Variants in VAC14 observed in about 807,000 individuals in gnomAD.
VAC14 encodes VAC14 component of PIKFYVE complex.
Under a neutral mutation model 85.3 loss-of-function variants are expected in VAC14, and 47 were observed. The ratio of observed to expected loss-of-function variants is 0.55; its 90% CI spans 0.44 to 0.70. The LOEUF (loss-of-function observed/expected upper bound fraction) is 0.70. Among genes scored for constraint, VAC14 ranks in the 30% least tolerant of loss-of-function variants. The pLI, the probability that VAC14 is intolerant of heterozygous loss-of-function variation, is 0.00. For synonymous variants in VAC14, 447 were observed against 430.5 expected (o/e 1.04, Z -0.47); for missense variants, 861 against 1,004.3 (o/e 0.86, Z 1.93).
chr16:70,712,589 G>A (rs2142996184), intron 14 of VAC14, among the ~76,000 whole-genome samples: 1 of 152,168 alleles, frequency 6.6e-6, no homozygotes, highest in East Asian at 1.9e-4. Flanking sequence ...GCAAGCTGCA[G>A]AGCTCTCCGA....
At chr16:70,729,032 G>T (rs115758338) in intron 14 of VAC14, among the ~76,000 whole-genome samples, 1 of 152,328 alleles carries the variant, frequency 6.6e-6, no homozygotes, top group African/African-American at 2.4e-5. Flanking sequence ...TGAAGGTTAA[G>T]AATCCATTTC....
chr16:70,705,899 G>A (rs2053911955), intron 14 of VAC14, among the ~76,000 whole-genome samples: 1 of 152,256 alleles, frequency 6.6e-6, no homozygotes, highest in African/African-American at 2.4e-5. Context: ...AGAGGCAAGA[G>A]TGTGGGTGAT....
intron 10 of VAC14, chr16:70,771,547 T>A (rs2033223488): frequency 6.6e-6 from 1 of 152,156 alleles, no homozygotes; most frequent in South Asian, 2.1e-4. Flanking sequence ...AATTTTTTTT[T>A]AATATTTAAA....
At chr16:70,703,645 GGGCTGCT>G (rs1436613252) in intron 14 of VAC14, among the ~76,000 whole-genome samples, 1 of 152,316 alleles carries the variant, frequency 6.6e-6, no homozygotes, top group Admixed American at 6.5e-5. Context: ...TCCCCGTCTT[GGGCTGCT>G]GGCTGCCGCC....
chr16:70,698,291 G>C (rs1171189073), intron 15 of VAC14, among the ~76,000 whole-genome samples: 1 of 152,200 alleles, frequency 6.6e-6, no homozygotes, highest in Non-Finnish European at 1.5e-5. Flanking sequence ...CCACCATGCA[G>C]GGTGGGCCCA....
chr16:70,795,295 T>C (rs985476617), intron 1 of VAC14, among the ~76,000 whole-genome samples: 3 of 151,342 alleles, frequency 2.0e-5, no homozygotes, highest in Admixed American at 6.6e-5. Context: ...TGAAACCCGA[T>C]CTCTACTAAA....
At chr16:70,792,248 G>A (rs567566737) in intron 1 of VAC14, among the ~76,000 whole-genome samples, 17 of 152,356 alleles carry the variant, frequency 1.1e-4, no homozygotes, top group Admixed American at 9.1e-4. Flanking sequence ...GGCAGCCCCA[G>A]TTCCAGGTTT....
chr16:70,780,690 T>C (rs1046438682), intron 9 of VAC14, 100 bp downstream of exon 9: 1 of 1,406,530 alleles, frequency 7.1e-7, no homozygotes, highest in Non-Finnish European at 9.5e-7. Flanking sequence ...ATACATAAAG[T>C]AGTCCTGGTT....
chr16:70,772,043 C>T, intron 10 of VAC14, 66 bp downstream of exon 10: 21 of 1,493,566 alleles, frequency 1.4e-5, no homozygotes, highest in Non-Finnish European at 1.9e-5. Flanking sequence ...CTGTAGTCTC[C>T]CGCATCCAGG....
intron 8 of VAC14, among the ~76,000 whole-genome samples, chr16:70,781,518 T>C (rs530964270): frequency 7.9e-5 from 12 of 152,252 alleles, no homozygotes; most frequent in African/African-American, 2.6e-4. Flanking sequence ...CTGGTGCCCC[T>C]GTGAAATGCG....
chr16:70,781,724 G>T, intron 8 of VAC14, 145 bp downstream of exon 8: 1 of 1,170,632 alleles, frequency 8.5e-7, no homozygotes, highest in East Asian at 2.6e-5. Context: ...ATCCACGTTT[G>T]GCTCCATCTC....
In VAC14 at chr16:70,780,809, C is replaced by A; in HGVS notation, c.1077G>T (p.Lys359Asn). The change falls in exon 9 of 19, where the codon AAG becomes AAT. Residue 359 changes from lysine to asparagine, a missense_variant. This residue lies in a region of VAC14 where 629 missense variants were observed against 703.1 expected (regional missense o/e 0.89). Coordinates refer to ENST00000261776, the MANE Select transcript of VAC14 (RefSeq NM_018052.5). ...AEPTPDDALP[K>N]QEGTASGGPD... is the part of the protein sequence containing the mutation. ...ACTCACCACTGGCTGTGCCCTCCTG[C>A]TTTGGCAGGGCATCGTCAGGGGTGG... The A allele has an allele frequency of 6.2e-7, 1 of 1,607,142 alleles. No individual in the cohort carries two copies. The highest frequency in any genetic ancestry group is 8.5e-7 in the Non-Finnish European group (1 of 1,175,620).
At chr16:70,790,778 T>G (rs549324085) in intron 1 of VAC14, among the ~76,000 whole-genome samples, 38 of 152,188 alleles carry the variant, frequency 2.5e-4, no homozygotes, top group Middle Eastern at 6.8e-3. Context: ...CCCAGGCCAC[T>G]ACAAAAATGA....
chr16:70,737,563 C>T (rs3785421), intron 13 of VAC14, among the ~76,000 whole-genome samples: 11,158 of 152,228 alleles, frequency 0.073, 438 homozygotes, highest in Middle Eastern at 0.15. Flanking sequence ...AGTGAGGAGC[C>T]TGCCAGCCCC....
chr16:70,690,968 C>T, intron 18 of VAC14: 1 of 985,202 alleles, frequency 1.0e-6, no homozygotes, highest in Non-Finnish European at 1.2e-6. Context: ...AGAGAGGGCA[C>T]TGGGCTTGCT....
chr16:70,712,229 C>T (rs2054050043), intron 14 of VAC14, among the ~76,000 whole-genome samples: 1 of 152,160 alleles, frequency 6.6e-6, no homozygotes, highest in Admixed American at 6.5e-5. Context: ...AAGAGGGCCC[C>T]AGACATGAGG....
intron 1 of VAC14, among the ~76,000 whole-genome samples, chr16:70,793,906 A>G (rs1403299413): frequency 6.6e-6 from 1 of 152,232 alleles, no homozygotes; most frequent in Non-Finnish European, 1.5e-5. Context: ...GCACCCACCA[A>G]CCAACCTAGG....
At chr16:70,700,288 A>G (rs2053798716) in intron 14 of VAC14, 1 of 151,930 alleles carries the variant, frequency 6.6e-6, no homozygotes. Context: ...GCAAGAAACC[A>G]CGAGAAACAG....
At chr16:70,785,663 C>G (rs1336613668) in intron 3 of VAC14, 39 bp downstream of exon 3, 1 of 1,521,682 alleles carries the variant, frequency 6.6e-7, no homozygotes, top group Non-Finnish European at 8.9e-7. Context: ...GTGGGGGAAC[C>G]AAGCGCAGCT....
Sources: allele counts gnomAD v4.1 joint callset (sites outside exome capture counted in the v4.1 genomes callset), GRCh38; gene constraint gnomAD v4.1.1; regional missense constraint gnomAD v4.1.1; transcripts MANE v1.5; gene names NCBI Gene and HGNC (gene_info 2026-07-23, HGNC 2026-07-21).